TPTE2: variants seen among roughly 807,000 people sequenced by gnomAD.
TPTE2 encodes the protein phosphatidylinositol 3,4,5-trisphosphate 3-phosphatase TPTE2.
A neutral mutation model predicts 78.6 loss-of-function variants in TPTE2; 53 were observed. The observed-to-expected ratio is 0.67, with a 90% CI of 0.54 to 0.85. The LOEUF (loss-of-function observed/expected upper bound fraction) is 0.85, where lower values mean the gene tolerates loss of function less well. TPTE2 is among the 40% of genes least tolerant of loss of function. The probability of loss-of-function intolerance (pLI) is 0.00; values close to 1 mark genes in which losing one functional copy is unlikely to be tolerated. For missense variants in TPTE2, 461 were observed against 623.0 expected, an observed-to-expected ratio of 0.74 and a Z score of 2.77; for synonymous variants, 175 against 206.2, an observed-to-expected ratio of 0.85 and a Z score of 1.30.
At chr13:19,500,062 A>C (rs1307156553) in intron 1 of TPTE2, among the ~76,000 whole-genome samples, 1 of 151,328 alleles carries the variant, frequency 6.6e-6, no homozygotes, top group African/African-American at 2.4e-5. Context: ...GAAATGGATA[A>C]ATTCCTCGAC....
intron 10 of TPTE2, among the ~76,000 whole-genome samples, chr13:19,456,371 G>A (rs1390485771): frequency 1.3e-5 from 2 of 152,110 alleles, no homozygotes; most frequent in Admixed American, 1.3e-4. Context: ...TGTAGTCCCA[G>A]CTATGTGGGA....
chr13:19,476,717 G>A (rs1438961850), intron 4 of TPTE2, among the ~76,000 whole-genome samples: 1 of 152,130 alleles, frequency 6.6e-6, no homozygotes, highest in Non-Finnish European at 1.5e-5. Context: ...AAAAATAACA[G>A]ATGCAGGCAA....
intron 5 of TPTE2, among the ~76,000 whole-genome samples, chr13:19,474,770 C>A (rs1325296777): frequency 2.0e-5 from 3 of 152,156 alleles, no homozygotes. Context: ...ACTTGCAGCT[C>A]AAATTCAAAT....
chr13:19,544,934 T>TCACACACACACA, the TPTE2 span, among the ~76,000 whole-genome samples: 1 of 142,336 alleles, frequency 7.0e-6, no homozygotes, highest in Non-Finnish European at 1.5e-5. Context: ...ACGTGCACAC[T>TCACACACACACA]CACACACACA....
chr13:19,503,077 T>C, intron 1 of TPTE2, 147 bp downstream of exon 4: 1 of 1,091,846 alleles, frequency 9.2e-7, no homozygotes, highest in Non-Finnish European at 1.4e-6. Flanking sequence ...ACTGTGTGCA[T>C]GGGTTAGTGG....
At chr13:19,427,752 G>A (rs923966985) in intron 17 of TPTE2, among the ~76,000 whole-genome samples, 21 of 152,146 alleles carry the variant, frequency 1.4e-4, no homozygotes, top group Non-Finnish European at 5.9e-5. Flanking sequence ...GCTGCAGGAT[G>A]GAGTGACCAA....
chr13:19,552,281 C>T, the TPTE2 span, among the ~76,000 whole-genome samples: 14 of 152,088 alleles, frequency 9.2e-5, no homozygotes, highest in African/African-American at 2.2e-4. Flanking sequence ...ACCTGTTGAG[C>T]GATTAGAAAA....
rs1186527737 is a variant in TPTE2 at position 19,439,588 on chromosome 13, A to C, written c.974-1435T>G. Among the ~76,000 whole-genome samples, 3 of 152,228 alleles carry C rather than the reference A, an allele frequency of 2.0e-5. No homozygotes were observed. The South Asian group carries it at 6.2e-4, about 31-fold the overall frequency. The stretch of plus-strand genomic sequence containing the variant: ...TGTAGTGACACTACCAAAGGATCAC[A>C]CTAGCTCTCTGGCAATGCTTCCTAC... On this transcript the variant is annotated intron_variant, in intron 13 of 19. Coordinates refer to ENST00000400230, the Ensembl canonical transcript of TPTE2.
intron 13 of TPTE2, among the ~76,000 whole-genome samples, chr13:19,443,998 G>A (rs974989524): frequency 1.3e-5 from 2 of 152,000 alleles, no homozygotes; most frequent in Non-Finnish European, 2.9e-5. Context: ...TAAATTAGTA[G>A]AACTAATAAG....
At chr13:19,497,522 A>C (rs917056646) in intron 1 of TPTE2, among the ~76,000 whole-genome samples, 2 of 80,882 alleles carry the variant, frequency 2.5e-5, no homozygotes, top group East Asian at 4.0e-4. Flanking sequence ...ACTGGGAGGC[A>C]CCCCCCAGCA....
At chr13:19,450,005 T>C in intron 13 of TPTE2, 71 bp downstream of exon 16, 1 of 1,557,964 alleles carries the variant, frequency 6.4e-7, no homozygotes, top group Non-Finnish European at 8.7e-7. Flanking sequence ...GCAATACGTA[T>C]CTTGTTCTTC....
At chr13:19,454,086 T>C (rs1332822918) in intron 10 of TPTE2, among the ~76,000 whole-genome samples, 1 of 152,188 alleles carries the variant, frequency 6.6e-6, no homozygotes, top group Non-Finnish European at 1.5e-5. Flanking sequence ...TTGTTGATGC[T>C]TCCACCGTAG....
intron 3 of TPTE2, among the ~76,000 whole-genome samples, chr13:19,483,796 T>C (rs1473630880): frequency 6.6e-6 from 1 of 152,186 alleles, no homozygotes; most frequent in African/African-American, 2.4e-5. Context: ...TTTTTTTTTA[T>C]ACTTTAAGTT....
At chr13:19,557,335 A>G in the TPTE2 span, among the ~76,000 whole-genome samples, 6 of 152,162 alleles carry the variant, frequency 3.9e-5, no homozygotes, top group South Asian at 1.2e-3. Flanking sequence ...GTTACTTAAG[A>G]GTGTATGTGT....
chr13:19,432,442 C>T, intron 16 of TPTE2, 31 bp downstream of exon 19: 7 of 1,165,890 alleles, frequency 6.0e-6, no homozygotes, highest in African/African-American at 1.9e-5. Context: ...GCCCTCCTGC[C>T]CAATTCTTCA....
At chr13:19,443,068 G>A (rs879918521) in intron 13 of TPTE2, among the ~76,000 whole-genome samples, 4 of 151,924 alleles carry the variant, frequency 2.6e-5, no homozygotes, top group East Asian at 3.9e-4. Flanking sequence ...AAAACTATGA[G>A]AAAGGAAAAT....
upstream of TPTE2, among the ~76,000 whole-genome samples, chr13:19,506,738 C>A (rs1401027003): frequency 6.6e-6 from 1 of 152,120 alleles, no homozygotes; most frequent in Non-Finnish European, 1.5e-5. Flanking sequence ...AAAAGCCAAC[C>A]CTACTGACAA....
intron 1 of TPTE2, among the ~76,000 whole-genome samples, chr13:19,521,817 A>AT (rs1376152416): frequency 6.6e-6 from 1 of 152,034 alleles, no homozygotes; most frequent in East Asian, 1.9e-4. Flanking sequence ...CTTATAAACC[A>AT]TATCTTCATA....
intron 1 of TPTE2, among the ~76,000 whole-genome samples, chr13:19,527,740 C>A (rs981693881): frequency 6.6e-6 from 1 of 152,076 alleles, no homozygotes; most frequent in South Asian, 2.1e-4. Flanking sequence ...TGGTGGTGCA[C>A]CCCTGTGGTC....
Sources: gnomAD v4.1 joint callset for allele counts (sites outside exome capture counted in the v4.1 genomes callset) on GRCh38, gnomAD v4.1.1 for gene constraint, MANE v1.5 for transcripts, NCBI Gene and HGNC (gene_info 2026-07-23, HGNC 2026-07-21) for gene names.